The following JADE3 variants were observed in gnomAD, a reference collection of about 807,000 sequenced individuals.
JADE3 encodes the protein protein Jade-3.
A neutral mutation model predicts 50.1 loss-of-function variants in JADE3; 2 were observed. The ratio of observed to expected loss-of-function variants is 0.04; its 90% CI spans 0.02 to 0.13. JADE3 has a LOEUF of 0.13. JADE3 is among the 10% of genes least tolerant of loss of function. JADE3 has a pLI of 1.00. For synonymous variants in JADE3, 218 were observed against 232.9 expected (o/e 0.94, Z 0.58); for missense variants, 475 against 634.4 (o/e 0.75, Z 2.70).
At chrX:47,047,348 A>C (rs998266507) in intron 8 of JADE3, among the ~76,000 whole-genome samples, 1 of 111,409 alleles carries the variant, frequency 9.0e-6, no homozygotes, top group Non-Finnish European at 1.9e-5. Context: ...GGAGTTCAAG[A>C]CCAGCCTGAC....
chrX:47,003,656 T>TAC (rs1469035298), intron 4 of JADE3, among the ~76,000 whole-genome samples: 14 of 100,671 alleles, frequency 1.4e-4, no homozygotes, highest in African/African-American at 3.9e-4. Context: ...TTTATATATA[T>TAC]ATTAATTATA....
chrX:46,942,852 A>AT (rs1479882632), intron 1 of JADE3, among the ~76,000 whole-genome samples: 16 of 111,427 alleles, frequency 1.4e-4, no homozygotes, highest in African/African-American at 4.6e-4. Context: ...ATGTTTTTTC[A>AT]TTTGTTTATG....
chrX:46,943,723 A>G (rs782512171), intron 1 of JADE3, among the ~76,000 whole-genome samples: 7 of 111,813 alleles, frequency 6.3e-5, no homozygotes, highest in Middle Eastern at 4.6e-3. Context: ...TGTTGGCTTC[A>G]TAGAATGCAT....
At chrX:46,930,156 C>G (rs1556339622) in intron 1 of JADE3, among the ~76,000 whole-genome samples, 2 of 112,098 alleles carry the variant, frequency 1.8e-5, no homozygotes, top group Non-Finnish European at 3.8e-5. Flanking sequence ...ACTTATGAGC[C>G]TAGGTCTCAA....
intron 3 of JADE3, among the ~76,000 whole-genome samples, chrX:46,990,513 A>G (rs1194516667): frequency 1.8e-5 from 2 of 110,707 alleles, no homozygotes; most frequent in African/African-American, 6.6e-5. Flanking sequence ...TAGTGAAGGT[A>G]CCACCTTATT....
chrX:47,027,165 A>G (rs1235690058), intron 5 of JADE3, among the ~76,000 whole-genome samples: 1 of 112,384 alleles, frequency 8.9e-6, no homozygotes, highest in Admixed American at 9.5e-5. Flanking sequence ...GTGCTGTCAC[A>G]AAATTTGATT....
rs1928873574 is a variant in JADE3, at chrX:47,024,805, G to T, written c.366G>T (p.Glu122Asp). 1 of 1,195,413 alleles carries T rather than the reference G, an allele frequency of 8.4e-7. No individual in the cohort carries two copies. Among genetic ancestry groups the T allele is most frequent in the Admixed American group, 2.2e-5 (1 of 45,970 alleles). Residue 122 changes from glutamate to aspartate, a missense_variant, in exon 5 of 11, where the codon GAG becomes GAT. This residue lies in a region of JADE3 where 54 missense variants were observed against 51.8 expected (regional missense o/e 1.04). Transcript: ENST00000614628. ...YIHCSSPDTTEPGYINIMELA... is the reference protein window; with the variant it reads ...YIHCSSPDTTDPGYINIMELA... ...ACTGCTCCAGCCCAGACACCACAGA[G>T]CCTGGCTACATCAACATCATGGAGT...
chrX:46,972,578 A>G (rs1209208477), intron 1 of JADE3, among the ~76,000 whole-genome samples: 1 of 109,617 alleles, frequency 9.1e-6, no homozygotes, highest in African/African-American at 3.3e-5. Context: ...TTAGTTTCCA[A>G]GTGTTTGGAG....
chrX:47,036,916 A>G (rs1929144064), intron 7 of JADE3, among the ~76,000 whole-genome samples: 1 of 82,385 alleles, frequency 1.2e-5, no homozygotes, highest in Admixed American at 1.4e-4. Flanking sequence ...CAATGAGATC[A>G]CATGGACACA....
intron 1 of JADE3, among the ~76,000 whole-genome samples, chrX:46,954,465 G>A (rs782169336): frequency 1.8e-5 from 2 of 112,198 alleles, no homozygotes; most frequent in Non-Finnish European, 3.8e-5. Flanking sequence ...AATCCTAAAC[G>A]AGCAAAAACA....
chrX:46,920,499 T>C (rs1288988875), intron 1 of JADE3, among the ~76,000 whole-genome samples: 1 of 112,909 alleles, frequency 8.9e-6, no homozygotes, highest in African/African-American at 3.2e-5. Context: ...TTTTTGGTGG[T>C]TTTCAATAGA....
At chrX:47,058,100 T>G (rs1929666810) in intron 10 of JADE3, 67 bp from the exon 11 acceptor site, 1 of 950,428 alleles carries the variant, frequency 1.1e-6, no homozygotes, top group Admixed American at 2.6e-5. Flanking sequence ...GTGAACTCAC[T>G]CTGCCATAAG....
At chrX:47,021,727 C>G (rs1556364496) in intron 4 of JADE3, among the ~76,000 whole-genome samples, 1 of 112,481 alleles carries the variant, frequency 8.9e-6, no homozygotes, top group East Asian at 2.8e-4. Context: ...TATTTGCCAT[C>G]TGGATAGCCT....
At chrX:46,942,902 T>C (rs1354302498) in intron 1 of JADE3, among the ~76,000 whole-genome samples, 2 of 112,031 alleles carry the variant, frequency 1.8e-5, no homozygotes, top group African/African-American at 6.5e-5. Context: ...TAGTTCTCCT[T>C]GTAAAGATCT....
At chrX:47,005,487 C>A (rs1319882903) in intron 4 of JADE3, among the ~76,000 whole-genome samples, 1 of 111,895 alleles carries the variant, frequency 8.9e-6, no homozygotes, top group Non-Finnish European at 1.9e-5. Context: ...GTGATCCACC[C>A]ACTTCGGCCT....
chrX:46,930,555 A>G (rs1373784338), intron 1 of JADE3, among the ~76,000 whole-genome samples: 2 of 112,245 alleles, frequency 1.8e-5, no homozygotes, highest in Non-Finnish European at 3.8e-5. Flanking sequence ...GGGCATGACC[A>G]TGGCAGGTTT....
At chrX:46,920,846 A>T (rs1556337579) in intron 1 of JADE3, among the ~76,000 whole-genome samples, 1 of 112,403 alleles carries the variant, frequency 8.9e-6, no homozygotes, top group East Asian at 2.8e-4. Context: ...ATTAACACAC[A>T]GTCTTGATTA....
At chrX:46,939,542 C>T (rs972924100) in intron 1 of JADE3, among the ~76,000 whole-genome samples, 27 of 111,414 alleles carry the variant, frequency 2.4e-4, no homozygotes, top group African/African-American at 8.8e-4. Flanking sequence ...AATTAAGCCC[C>T]AGAAAAAATA....
chrX:46,936,077 G>C (rs1926617471), intron 1 of JADE3, among the ~76,000 whole-genome samples: 1 of 104,576 alleles, frequency 9.6e-6, no homozygotes, highest in African/African-American at 3.6e-5. Context: ...GGAGTGCAGT[G>C]GCACGATCTT....
Sources: allele counts gnomAD v4.1 joint callset (sites outside exome capture counted in the v4.1 genomes callset), GRCh38; gene constraint gnomAD v4.1.1; regional missense constraint gnomAD v4.1.1; transcripts MANE v1.5; gene names NCBI Gene and HGNC (gene_info 2026-07-23, HGNC 2026-07-21).